Variants in PACS1 observed in about 807,000 individuals in gnomAD.
The protein encoded by PACS1 is PACS-1.
PACS1 carries 24 observed loss-of-function variants against 115.0 expected under a neutral mutation model. The ratio of observed to expected loss-of-function variants is 0.21; its 90% confidence interval spans 0.15 to 0.29. The LOEUF is 0.29. Among genes scored for constraint, PACS1 ranks in the 10% least tolerant of loss-of-function variants. The probability of loss-of-function intolerance (pLI) is 1.00; values close to 1 mark genes in which losing one functional copy is unlikely to be tolerated. For missense variants in PACS1, 838 were observed against 1,251.2 expected, an observed-to-expected ratio of 0.67 and a Z score of 4.98; for synonymous variants, 453 against 504.5, an observed-to-expected ratio of 0.90 and a Z score of 1.37.
intron 10 of PACS1, 21 bp downstream of exon 10, chr11:66,221,268 G>A (rs779742461): frequency 3.4e-5 from 54 of 1,601,590 alleles, no homozygotes; most frequent in Non-Finnish European, 4.4e-5. Context: ...CCGCGACTGC[G>A]GGGCGGGGTG....
In PACS1 at chr11:66,216,278, G is replaced by A. The variant is rs761939930; in HGVS notation, c.805+15G>A. The stretch of plus-strand genomic sequence containing the variant: ...CAAGCTTTCTGGTAAGAAGCATGCA[G>A]CATCTGGAGACCCTACGAAGAGGGA... On this transcript the variant is annotated intron_variant, in intron 5 of 23. Transcript: ENST00000320580. The A allele has an allele frequency of 1.2e-6, 2 of 1,613,758 alleles. No individual in the cohort carries two copies. The highest frequency in any genetic ancestry group is 3.3e-5 in the Admixed American group (2 of 60,002).
intron 1 of PACS1, among the ~76,000 whole-genome samples, chr11:66,128,654 A>AGG (rs1858632350): frequency 6.6e-6 from 1 of 151,562 alleles, no homozygotes; most frequent in African/African-American, 2.4e-5. Context: ...GAGGCTGAGG[A>AGG]GGGTGGATCA....
chr11:66,146,003 GA>G (rs1157820198), intron 1 of PACS1, among the ~76,000 whole-genome samples: 1 of 152,168 alleles, frequency 6.6e-6, no homozygotes, highest in African/African-American at 2.4e-5. Flanking sequence ...TAACACACGT[GA>G]AAAATTACAG....
At position 66,215,950 on chromosome 11, in the gene PACS1, T is replaced by TAAA. The variant is rs1554990642; in HGVS notation, c.661-168_661-166dup. Among the ~76,000 whole-genome samples the TAAA allele has an allele frequency of 0.011, 1,439 of 134,450 alleles. 21 individuals carry two copies. Among genetic ancestry groups the TAAA allele is most frequent in the African/African-American group, 0.038 (1,336 of 34,722 alleles). 88.2% of individuals were successfully genotyped at this position (134,450 alleles called of 152,430 possible). A position where few individuals can be genotyped will look rare whatever the true frequency, so the allele number is the denominator to read the frequency against. The stretch of plus-strand genomic sequence containing the variant: ...ATAATAATAATAATAATAATAATAA[T>TAAA]AAACAAAGTAAGACCGTGAAGCAGT... On this transcript the variant is annotated intron_variant, in intron 4 of 23. Coordinates refer to ENST00000320580, the MANE Select transcript of PACS1 (RefSeq NM_018026.4).
intron 1 of PACS1, among the ~76,000 whole-genome samples, chr11:66,094,945 C>A (rs1283343958): frequency 6.6e-6 from 1 of 150,820 alleles, no homozygotes; most frequent in African/African-American, 2.4e-5. Flanking sequence ...AAGACAAAAA[C>A]CACATGATTA....
At chr11:66,100,874 G>A (rs554866323) in intron 1 of PACS1, 18 of 456,242 alleles carry the variant, frequency 3.9e-5, no homozygotes, top group African/African-American at 2.2e-4. Context: ...GCTTCCTCAC[G>A]GTACGGTGGC....
chr11:66,071,216 A>G (rs1857305014), intron 1 of PACS1, among the ~76,000 whole-genome samples: 1 of 152,040 alleles, frequency 6.6e-6, no homozygotes, highest in Non-Finnish European at 1.5e-5. Flanking sequence ...AGATCTCTTG[A>G]TATTATTATT....
intron 2 of PACS1, among the ~76,000 whole-genome samples, chr11:66,196,139 G>A (rs1356663999): frequency 6.6e-6 from 1 of 152,138 alleles, no homozygotes; most frequent in Non-Finnish European, 1.5e-5. Flanking sequence ...TGGGGCATGC[G>A]GGTCACTTGA....
intron 1 of PACS1, among the ~76,000 whole-genome samples, chr11:66,079,167 G>A (rs942175982): frequency 2.0e-5 from 3 of 152,140 alleles, no homozygotes; most frequent in Non-Finnish European, 2.9e-5. Flanking sequence ...GATTACTGGC[G>A]TGAGCCACCG....
intron 13 of PACS1, 81 bp downstream of exon 13, chr11:66,231,021 C>T: frequency 6.5e-7 from 1 of 1,534,968 alleles, no homozygotes; most frequent in South Asian, 1.1e-5. Context: ...CTTCCTTGGA[C>T]AGTTAGTTGG....
chr11:66,234,539 G>A (rs2134741947), intron 17 of PACS1, among the ~76,000 whole-genome samples: 1 of 152,348 alleles, frequency 6.6e-6, no homozygotes, highest in South Asian at 2.1e-4. Context: ...GAAATACAAG[G>A]AGCAGAGAAT....
At chr11:66,153,235 A>T (rs778295088) in intron 1 of PACS1, among the ~76,000 whole-genome samples, 1 of 152,148 alleles carries the variant, frequency 6.6e-6, no homozygotes, top group South Asian at 2.1e-4. Context: ...GGCTCAAGCT[A>T]TCATCCTGCT....
chr11:66,213,894 A>G (rs928543827), intron 4 of PACS1, among the ~76,000 whole-genome samples: 4 of 151,964 alleles, frequency 2.6e-5, no homozygotes, highest in Admixed American at 1.3e-4. Flanking sequence ...TTAGCCGGGC[A>G]TGGTGGCGGG....
At chr11:66,156,321 C>A (rs1168129142) in intron 1 of PACS1, among the ~76,000 whole-genome samples, 1 of 144,334 alleles carries the variant, frequency 6.9e-6, no homozygotes, top group African/African-American at 2.6e-5. Context: ...TGTGTGATCT[C>A]GGCTCACTGC....
At chr11:66,205,263 G>A (rs1233219308) in intron 2 of PACS1, among the ~76,000 whole-genome samples, 1 of 151,748 alleles carries the variant, frequency 6.6e-6, no homozygotes, top group Non-Finnish European at 1.5e-5. Context: ...GGGATTACAG[G>A]CATGAGCCAC....
chr11:66,186,951 G>A (rs1034411177), intron 1 of PACS1, among the ~76,000 whole-genome samples: 2 of 152,110 alleles, frequency 1.3e-5, no homozygotes, highest in African/African-American at 4.8e-5. Flanking sequence ...ACCACATGTT[G>A]GTCTTACCTG....
At chr11:66,222,107 C>T (rs1036675966) in intron 10 of PACS1, among the ~76,000 whole-genome samples, 1 of 152,124 alleles carries the variant, frequency 6.6e-6, no homozygotes, top group African/African-American at 2.4e-5. Flanking sequence ...CAGAACAAGA[C>T]CTTATCTCAA....
intron 2 of PACS1, among the ~76,000 whole-genome samples, chr11:66,201,290 G>A (rs141990771): frequency 1.3e-5 from 2 of 151,912 alleles, no homozygotes; most frequent in African/African-American, 4.8e-5. Context: ...GAAATCAATA[G>A]CAAGGAATTT....
chr11:66,243,117 G>T, intron 23 of PACS1, 48 bp from the exon 24 acceptor site: 3 of 1,611,814 alleles, frequency 1.9e-6, no homozygotes, highest in Non-Finnish European at 2.5e-6. Context: ...GGGCCCTGGG[G>T]AGATGGCCTG....
Sources: allele counts gnomAD v4.1 joint callset (sites outside exome capture counted in the v4.1 genomes callset), GRCh38; gene constraint gnomAD v4.1.1; transcripts MANE v1.5; gene names NCBI Gene and HGNC (gene_info 2026-07-23, HGNC 2026-07-21).